Variants in KLHL13 observed in about 807,000 individuals in gnomAD.
The protein encoded by KLHL13 is kelch-like protein 13.
In KLHL13, 10 loss-of-function variants were observed where a neutral mutation model predicts 37.1. The observed-to-expected ratio is 0.27, with a 90% CI of 0.17 to 0.46. The LOEUF (loss-of-function observed/expected upper bound fraction) is 0.46. Among genes scored for constraint, KLHL13 ranks in the 20% least tolerant of loss-of-function variants. The pLI, the probability that KLHL13 is intolerant of heterozygous loss-of-function variation, is 1.00. For missense variants in KLHL13, 360 were observed against 509.3 expected, an observed-to-expected ratio of 0.71 and a Z score of 2.82; for synonymous variants, 163 against 181.2, an observed-to-expected ratio of 0.90 and a Z score of 0.81.
chrX:117,913,839 C>CA (rs1267305857), intron 4 of KLHL13, among the ~76,000 whole-genome samples: 4 of 76,123 alleles, frequency 5.3e-5, no homozygotes, highest in Non-Finnish European at 7.6e-5. Context: ...AAGACTCCAT[C>CA]AAAAAAAAGA....
At chrX:118,059,335 A>C (rs1028544315) in intron 1 of KLHL13, among the ~76,000 whole-genome samples, 2 of 112,091 alleles carry the variant, frequency 1.8e-5, no homozygotes, top group Non-Finnish European at 3.8e-5. Flanking sequence ...TCATCTCCTA[A>C]GCATTTAAGA....
intron 4 of KLHL13, among the ~76,000 whole-genome samples, chrX:117,914,618 C>G (rs972011921): frequency 1.8e-5 from 2 of 111,706 alleles, no homozygotes; most frequent in African/African-American, 6.5e-5. Context: ...CATCACAGGA[C>G]ACAAAGAAGA....
At chrX:118,098,064 C>T (rs1041538387) in intron 1 of KLHL13, among the ~76,000 whole-genome samples, 5 of 111,700 alleles carry the variant, frequency 4.5e-5, no homozygotes, top group African/African-American at 1.6e-4. Context: ...GCAACAAAAA[C>T]CAAAATTGAC....
intron 1 of KLHL13, among the ~76,000 whole-genome samples, chrX:118,061,062 A>G (rs6646058): frequency 0.16 from 17,453 of 110,999 alleles, 1,848 homozygotes; most frequent in African/African-American, 0.38. Flanking sequence ...TTCAACATCT[A>G]GGTTTCAGGA....
chrX:117,919,816 T>C (rs1931593631), intron 3 of KLHL13, 99 bp from the exon 5 acceptor site: 10 of 610,514 alleles, frequency 1.6e-5, no homozygotes, highest in Non-Finnish European at 2.6e-5. Flanking sequence ...GAAAGTCTTA[T>C]CTTATATAAG....
intron 1 of KLHL13, among the ~76,000 whole-genome samples, chrX:117,951,006 C>T (rs888685556): frequency 3.3e-4 from 37 of 111,871 alleles, no homozygotes; most frequent in African/African-American, 1.2e-3. Context: ...AGCCATTTTC[C>T]ATTGGCTTTT....
chrX:118,089,630 GAAAGAA>G (rs1569313914), intron 1 of KLHL13, among the ~76,000 whole-genome samples: 10 of 96,922 alleles, frequency 1.0e-4, no homozygotes, highest in Admixed American at 2.2e-4. Flanking sequence ...GAGAAAGAAA[GAAAGAA>G]AGAAAGAAAG....
intron 4 of KLHL13, among the ~76,000 whole-genome samples, chrX:117,919,025 C>CT (rs950309026): frequency 1.6e-4 from 17 of 109,561 alleles, no homozygotes; most frequent in African/African-American, 5.6e-4. Flanking sequence ...TACACAGAGG[C>CT]TTTTTTTTTC....
intron 1 of KLHL13, among the ~76,000 whole-genome samples, chrX:118,018,759 G>C (rs780926212): frequency 4.4e-4 from 49 of 111,023 alleles, no homozygotes; most frequent in African/African-American, 1.3e-3. Context: ...TAAATTGATT[G>C]TTTGCCATTA....
intron 4 of KLHL13, chrX:117,914,392 C>G (rs1031286532): frequency 4.5e-5 from 5 of 111,250 alleles, no homozygotes; most frequent in African/African-American, 1.6e-4. Flanking sequence ...ACTAAGAAAT[C>G]TGGCAAAAAT....
chrX:117,967,183 G>C (rs1022020842), intron 1 of KLHL13, among the ~76,000 whole-genome samples: 47 of 111,567 alleles, frequency 4.2e-4, no homozygotes, highest in Non-Finnish European at 1.1e-4. Flanking sequence ...CTAATATCCA[G>C]AACTGAGCAT....
chrX:118,116,122 T>C (rs777906694), intron 1 of KLHL13, among the ~76,000 whole-genome samples: 2 of 110,951 alleles, frequency 1.8e-5, no homozygotes, highest in Non-Finnish European at 3.8e-5. Flanking sequence ...AAGCAGAAAC[T>C]GTTAGAGGGC....
At chrX:117,995,332 A>G (rs1255896070) in intron 1 of KLHL13, among the ~76,000 whole-genome samples, 1 of 112,293 alleles carries the variant, frequency 8.9e-6, no homozygotes, top group East Asian at 2.8e-4. Context: ...ACCTAACATC[A>G]TCCTATTCCC....
intron 1 of KLHL13, among the ~76,000 whole-genome samples, chrX:118,031,662 T>C (rs759454171): frequency 3.2e-4 from 32 of 101,166 alleles, no homozygotes; most frequent in African/African-American, 1.1e-3. Context: ...TTTAGTTATA[T>C]ATAATATATA....
At chrX:117,916,258 AT>A (rs1178471538) in intron 4 of KLHL13, among the ~76,000 whole-genome samples, 1 of 112,555 alleles carries the variant, frequency 8.9e-6, no homozygotes, top group African/African-American at 3.2e-5. Flanking sequence ...AACCAATGTA[AT>A]TTTTAGGTAT....
At chrX:118,021,485 C>T (rs1206270654) in intron 1 of KLHL13, among the ~76,000 whole-genome samples, 8 of 108,800 alleles carry the variant, frequency 7.4e-5, no homozygotes, top group African/African-American at 1.0e-4. Flanking sequence ...TGAGAACATG[C>T]GGTGTTTGGT....
intron 1 of KLHL13, among the ~76,000 whole-genome samples, chrX:117,989,039 A>T (rs1409583388): frequency 9.0e-6 from 1 of 111,617 alleles, no homozygotes; most frequent in Non-Finnish European, 1.9e-5. Context: ...GAAATAAGCT[A>T]AATGACATTT....
chrX:118,109,332 G>A (rs748865711), intron 1 of KLHL13, among the ~76,000 whole-genome samples: 1 of 111,508 alleles, frequency 9.0e-6, no homozygotes, highest in South Asian at 3.8e-4. Flanking sequence ...GGGAATTTAC[G>A]GCTATGAAAA....
intron 1 of KLHL13, among the ~76,000 whole-genome samples, chrX:118,011,087 A>C (rs1364832820): frequency 9.2e-6 from 1 of 108,370 alleles, no homozygotes; most frequent in African/African-American, 3.4e-5. Context: ...TAAATAAATA[A>C]ATAAATAAAT....
Sources: allele counts gnomAD v4.1 joint callset (sites outside exome capture counted in the v4.1 genomes callset), GRCh38; gene constraint gnomAD v4.1.1; transcripts MANE v1.5; gene names NCBI Gene and HGNC (gene_info 2026-07-23, HGNC 2026-07-21).